The following AMD1 variants were observed in gnomAD, a reference collection of about 807,000 sequenced individuals.
The protein encoded by AMD1 is S-adenosylmethionine decarboxylase proenzyme.
AMD1 carries 11 observed loss-of-function variants against 40.2 expected under a neutral mutation model. That is an observed-to-expected ratio of 0.27 (90% CI 0.17 to 0.45). AMD1 has a LOEUF of 0.45. Among genes scored for constraint, AMD1 ranks in the 20% least tolerant of loss-of-function variants. AMD1 has a pLI of 1.00. For synonymous variants in AMD1, 121 were observed against 130.8 expected (o/e 0.93, Z 0.51); for missense variants, 257 against 410.2 (o/e 0.63, Z 3.23).
the AMD1 span, among the ~76,000 whole-genome samples, chr6:110,836,118 A>G: frequency 6.6e-6 from 1 of 152,172 alleles, no homozygotes; most frequent in South Asian, 2.1e-4. Context: ...ATAAACCTAT[A>G]TAATCTTTCC....
upstream of AMD1, among the ~76,000 whole-genome samples, chr6:110,873,057 G>A (rs1562331951): frequency 6.6e-6 from 1 of 152,074 alleles, no homozygotes; most frequent in Non-Finnish European, 1.5e-5. Flanking sequence ...GTCCCAATCC[G>A]CAGTTTGAGT....
chr6:110,854,730 G>C, the AMD1 span, among the ~76,000 whole-genome samples: 5 of 152,146 alleles, frequency 3.3e-5, no homozygotes, highest in Non-Finnish European at 7.4e-5. Flanking sequence ...TTACAGGAGT[G>C]AGCCACCGCA....
chr6:110,876,159 G>A (rs1309825978), intron 1 of AMD1, among the ~76,000 whole-genome samples: 1 of 152,268 alleles, frequency 6.6e-6, no homozygotes, highest in East Asian at 1.9e-4. Context: ...CCGAAGAGGC[G>A]TTTTAGTTGG....
the AMD1 span, among the ~76,000 whole-genome samples, chr6:110,830,010 G>C: frequency 1.3e-5 from 2 of 151,534 alleles, no homozygotes; most frequent in Non-Finnish European, 2.9e-5. Context: ...GTTTTTGTTT[G>C]TGTGTTTGTT....
chr6:110,834,238 C>G, the AMD1 span, among the ~76,000 whole-genome samples: 1 of 152,088 alleles, frequency 6.6e-6, no homozygotes, highest in South Asian at 2.1e-4. Context: ...CTTTGGGAGG[C>G]TGAAGTGGGA....
the AMD1 span, among the ~76,000 whole-genome samples, chr6:110,842,761 G>T: frequency 6.6e-6 from 1 of 152,060 alleles, no homozygotes; most frequent in Non-Finnish European, 1.5e-5. Context: ...ATAAGGAAAA[G>T]AAAATCCTCT....
intron 4 of AMD1, 57 bp from the exon 5 acceptor site, chr6:110,892,104 A>G: frequency 6.3e-7 from 1 of 1,580,904 alleles, no homozygotes; most frequent in Admixed American, 1.7e-5. Flanking sequence ...GGGTAGTAAC[A>G]AACCATCCTA....
chr6:110,828,285 G>A, the AMD1 span, among the ~76,000 whole-genome samples: 3 of 152,034 alleles, frequency 2.0e-5, no homozygotes, highest in Non-Finnish European at 2.9e-5. Context: ...ACAAAAATTA[G>A]CCGGGTATGG....
the AMD1 span, among the ~76,000 whole-genome samples, chr6:110,829,624 G>C: frequency 2.8e-3 from 425 of 151,298 alleles, 3 homozygotes; most frequent in South Asian, 0.015. Flanking sequence ...AGCTGAGATC[G>C]TGCCACTGCA....
chr6:110,851,581 G>A, the AMD1 span, among the ~76,000 whole-genome samples: 1 of 152,060 alleles, frequency 6.6e-6, no homozygotes, highest in African/African-American at 2.4e-5. Context: ...TCCTGACTCA[G>A]CCTCCTGAGT....
chr6:110,826,780 C>T, the AMD1 span, among the ~76,000 whole-genome samples: 1 of 151,646 alleles, frequency 6.6e-6, no homozygotes, highest in Non-Finnish European at 1.5e-5. Context: ...CAACCCCCGC[C>T]TCCCAGGTTC....
At chr6:110,820,045 T>C in the AMD1 span, among the ~76,000 whole-genome samples, 15 of 152,320 alleles carry the variant, frequency 9.8e-5, no homozygotes, top group East Asian at 2.9e-3. Context: ...GAAATCCCCA[T>C]GTCTTTCCCA....
intron 2 of AMD1, chr6:110,888,180 A>G (rs1189562029): frequency 6.6e-6 from 1 of 152,164 alleles, no homozygotes; most frequent in Non-Finnish European, 1.5e-5. Flanking sequence ...ATACAAATAC[A>G]GTTGTCTAAT....
At chr6:110,842,532 GC>G in the AMD1 span, among the ~76,000 whole-genome samples, 35 of 152,266 alleles carry the variant, frequency 2.3e-4, no homozygotes, top group African/African-American at 8.2e-4. Flanking sequence ...TACTGCTATT[GC>G]TTTGAGTAAT....
At chr6:110,871,587 A>G (rs1332745883), upstream of AMD1, among the ~76,000 whole-genome samples, 1 of 152,234 alleles carries the variant, frequency 6.6e-6, no homozygotes, top group African/African-American at 2.4e-5. Flanking sequence ...AGGGTGGACC[A>G]TAAAGAGGTA....
chr6:110,844,130 G>A, the AMD1 span, among the ~76,000 whole-genome samples: 70 of 151,996 alleles, frequency 4.6e-4, 1 homozygote, highest in East Asian at 0.013. Context: ...AGTGGCTCAC[G>A]CCTGTAATCC....
the AMD1 span, among the ~76,000 whole-genome samples, chr6:110,826,619 A>G: frequency 6.6e-6 from 1 of 151,696 alleles, no homozygotes; most frequent in African/African-American, 2.4e-5. Context: ...AGCATAACTC[A>G]AATCTCTGTC....
At chr6:110,828,185 C>T in the AMD1 span, among the ~76,000 whole-genome samples, 1 of 152,116 alleles carries the variant, frequency 6.6e-6, no homozygotes, top group Non-Finnish European at 1.5e-5. Flanking sequence ...AATTCCAAAA[C>T]TTTGGGAGGC....
intron 6 of AMD1, 34 bp downstream of exon 6, chr6:110,892,477 C>T: frequency 3.1e-6 from 5 of 1,606,942 alleles, no homozygotes; most frequent in Non-Finnish European, 3.4e-6. Context: ...TTGCTGGACT[C>T]TTCTGCGTGG....
Sources: gnomAD v4.1 joint callset for allele counts (sites outside exome capture counted in the v4.1 genomes callset) on GRCh38, gnomAD v4.1.1 for gene constraint, MANE v1.5 for transcripts, NCBI Gene and HGNC (gene_info 2026-07-23, HGNC 2026-07-21) for gene names.